Variants in SPTLC3 observed in about 807,000 individuals in gnomAD.
The protein encoded by SPTLC3 is serine palmitoyltransferase 3.
SPTLC3 carries 36 observed loss-of-function variants against 59.3 expected under a neutral mutation model. The observed-to-expected ratio is 0.61, with a 90% CI of 0.47 to 0.80. The LOEUF (loss-of-function observed/expected upper bound fraction) is 0.80, where lower values mean the gene tolerates loss of function less well. Among genes scored for constraint, SPTLC3 ranks in the 30% least tolerant of loss-of-function variants. SPTLC3 has a pLI of 0.00. For missense variants in SPTLC3, 625 were observed against 685.1 expected, an observed-to-expected ratio of 0.91 and a Z score of 0.98; for synonymous variants, 257 against 240.8, an observed-to-expected ratio of 1.07 and a Z score of -0.62.
At chr20:13,064,824 C>CT (rs1307259556) in intron 2 of SPTLC3, among the ~76,000 whole-genome samples, 1 of 152,150 alleles carries the variant, frequency 6.6e-6, no homozygotes, top group Admixed American at 6.5e-5. Flanking sequence ...GTTCAGAAAT[C>CT]TGTCTCTCCA....
rs1038047407 is a variant in SPTLC3 at position 13,166,248 on chromosome 20, T to G, written c.*1381T>G. 2.6e-5 allele frequency: 4 copies of G among 152,594 alleles called. No homozygotes were observed. The highest frequency in any genetic ancestry group is 9.7e-5 in the African/African-American group (4 of 41,446). The allele number at this position is 152,594 out of a possible 1,614,324, so 9.5% of individuals were successfully genotyped here. A position where few individuals can be genotyped will look rare whatever the true frequency, so the allele number is the denominator to read the frequency against. On this transcript the variant is annotated 3_prime_UTR_variant, in exon 12 of 12. Coordinates refer to ENST00000399002, the MANE Select transcript of SPTLC3 (RefSeq NM_018327.4). ...TGTGTGGCACAGATGGACCCAAGCT[T>G]TCATGCTGTGCACTGAGATAGAAAC...
At chr20:13,072,117 C>A in intron 2 of SPTLC3, 139 bp from the exon 3 acceptor site, 1 of 875,762 alleles carries the variant, frequency 1.1e-6, no homozygotes, top group Non-Finnish European at 1.7e-6. Flanking sequence ...TTACTTCCCT[C>A]ACCTACTGAC....
At chr20:13,080,377 A>T (rs1219612096) in intron 4 of SPTLC3, among the ~76,000 whole-genome samples, 1 of 152,014 alleles carries the variant, frequency 6.6e-6, no homozygotes, top group Non-Finnish European at 1.5e-5. Flanking sequence ...ATGTGGTGGC[A>T]TGCGCCTGTA....
chr20:13,105,853 ATAT>A (rs1989861934), intron 6 of SPTLC3, among the ~76,000 whole-genome samples: 2 of 152,290 alleles, frequency 1.3e-5, no homozygotes, highest in African/African-American at 4.8e-5. Flanking sequence ...ATAGTATAAA[ATAT>A]TATAGACATA....
At chr20:13,145,975 C>G (rs527862987) in intron 9 of SPTLC3, among the ~76,000 whole-genome samples, 2 of 152,144 alleles carry the variant, frequency 1.3e-5, no homozygotes, top group Non-Finnish European at 2.9e-5. Context: ...CACATGCATG[C>G]GAATGTTCCT....
intron 3 of SPTLC3, chr20:13,073,670 T>A (rs1353173655): frequency 2.9e-6 from 1 of 342,510 alleles, no homozygotes; most frequent in Admixed American, 4.2e-5. Flanking sequence ...CATTTTTTTT[T>A]AATGTGACTG....
Position 13,099,556 on chromosome 20 carries a change from G to A in SPTLC3, c.826+5979G>A, listed in dbSNP as rs1430691770. Among the ~76,000 whole-genome samples, 7 of 152,132 alleles carry A rather than the reference G, an allele frequency of 4.6e-5. No homozygotes were observed. In the East Asian group the frequency reaches 1.2e-3, roughly 25 times the overall value. The stretch of plus-strand genomic sequence containing the variant: ...CATGTTTAATACAACTTTGAAACAC[G>A]AGCATATTCTGCTGCTGTTGTATTT... On this transcript the variant is annotated intron_variant, in intron 6 of 11. Transcript: ENST00000399002.
At chr20:13,073,483 A>T (rs1213773945) in intron 3 of SPTLC3, among the ~76,000 whole-genome samples, 1 of 146,534 alleles carries the variant, frequency 6.8e-6, no homozygotes, top group Non-Finnish European at 1.5e-5. Flanking sequence ...CACTAGGATA[A>T]TTTTTTTTTT....
chr20:13,089,596 C>A (rs173399), intron 4 of SPTLC3, among the ~76,000 whole-genome samples: 1 of 151,800 alleles, frequency 6.6e-6, no homozygotes, highest in African/African-American at 2.4e-5. Context: ...GACCAGCCTG[C>A]GCAACAAGGT....
intron 3 of SPTLC3, 32 bp downstream of exon 3, chr20:13,072,442 A>G: frequency 3.3e-6 from 5 of 1,524,340 alleles, no homozygotes; most frequent in Non-Finnish European, 4.4e-6. Flanking sequence ...GATTGGTGAA[A>G]AGAAAAACCT....
At chr20:13,020,212 T>C (rs1383346652) in intron 1 of SPTLC3, among the ~76,000 whole-genome samples, 1 of 152,074 alleles carries the variant, frequency 6.6e-6, no homozygotes, top group Non-Finnish European at 1.5e-5. Context: ...TAGACATTTA[T>C]TTAAAAATTG....
intron 1 of SPTLC3, among the ~76,000 whole-genome samples, chr20:13,037,678 A>C (rs1419043337): frequency 6.6e-6 from 1 of 152,220 alleles, no homozygotes; most frequent in East Asian, 1.9e-4. Flanking sequence ...TCAGGTTATC[A>C]AGAATAAAAT....
In SPTLC3 at chr20:13,049,058, C is replaced by A; in HGVS notation, c.231C>A (p.Gly77=). 6.2e-7 allele frequency: 1 copy of A among 1,613,818 alleles called. No individual in the cohort carries two copies. Among genetic ancestry groups the A allele is most frequent in the South Asian group, 1.1e-5 (1 of 91,050 alleles). ...GATATGGAATTGGAACCCTGTTTGG[C>A]TATCTCAGAGACTTTTTAAGAAACT... ...YMGYGIGTLF[G]YLRDFLRNWG... The change falls in exon 2 of 12, where the codon GGC becomes GGA. Residue 77 remains glycine, a synonymous_variant. Coordinates refer to ENST00000399002, the MANE Select transcript of SPTLC3 (RefSeq NM_018327.4).
intron 2 of SPTLC3, among the ~76,000 whole-genome samples, chr20:13,054,650 A>G (rs1234295948): frequency 6.6e-6 from 1 of 152,216 alleles, no homozygotes; most frequent in East Asian, 1.9e-4. Flanking sequence ...ATTCACTGAG[A>G]TGGGTAATAG....
rs141711834 is a variant in SPTLC3 at position 13,102,774 on chromosome 20, A to G, written c.827-7338A>G. Among the ~76,000 whole-genome samples the G allele has an allele frequency of 2.3e-3, 346 of 152,056 alleles. 1 individual carries two copies. The highest frequency in any genetic ancestry group is 0.017 in the Middle Eastern group (5 of 294). Reference sequence around the variant, plus strand: ...TCTCAGTACTTTGTCTCATTCCACAATCTCCTTCCTGAGGATCAGAATCCT... The same window carrying G: ...TCTCAGTACTTTGTCTCATTCCACAGTCTCCTTCCTGAGGATCAGAATCCT... On this transcript the variant is annotated intron_variant, in intron 6 of 11. Coordinates refer to ENST00000399002, the MANE Select transcript of SPTLC3 (RefSeq NM_018327.4).
intron 9 of SPTLC3, among the ~76,000 whole-genome samples, chr20:13,139,790 C>T (rs891238185): frequency 6.6e-6 from 1 of 152,178 alleles, no homozygotes; most frequent in African/African-American, 2.4e-5. Flanking sequence ...TTTCCAAATG[C>T]TCTCCTATTT....
chr20:13,084,697 G>A (rs963671185), intron 4 of SPTLC3, among the ~76,000 whole-genome samples: 3 of 152,148 alleles, frequency 2.0e-5, no homozygotes, highest in Non-Finnish European at 4.4e-5. Flanking sequence ...GTAGCATCAC[G>A]TTGGTACCTG....
At chr20:13,014,759 C>A (rs148831399) in intron 1 of SPTLC3, among the ~76,000 whole-genome samples, 8 of 148,092 alleles carry the variant, frequency 5.4e-5, no homozygotes. Flanking sequence ...TGGGAGATGG[C>A]GTACAACACA....
intron 4 of SPTLC3, among the ~76,000 whole-genome samples, chr20:13,087,108 T>C (rs770268308): frequency 2.0e-5 from 3 of 152,174 alleles, no homozygotes; most frequent in Admixed American, 6.5e-5. Flanking sequence ...CTCCCCGTCT[T>C]TAAGCCAGGT....
Sources: gnomAD v4.1 joint callset for allele counts (sites outside exome capture counted in the v4.1 genomes callset) on GRCh38, gnomAD v4.1.1 for gene constraint, MANE v1.5 for transcripts, NCBI Gene and HGNC (gene_info 2026-07-23, HGNC 2026-07-21) for gene names.